COG5: variants seen among roughly 807,000 people sequenced by gnomAD.
COG5 encodes conserved oligomeric Golgi complex subunit 5.
A neutral mutation model predicts 110.4 loss-of-function variants in COG5; 86 were observed. The observed-to-expected ratio is 0.78, with a 90% CI of 0.65 to 0.93. The LOEUF (loss-of-function observed/expected upper bound fraction) is 0.93. Ranked by LOEUF, COG5 falls within the 40% of genes least tolerant of loss-of-function variation. The probability of loss-of-function intolerance (pLI) is 0.00; values close to 1 mark genes in which losing one functional copy is unlikely to be tolerated. For synonymous variants in COG5, 360 were observed against 334.6 expected (o/e 1.08, Z -0.83); for missense variants, 1,077 against 987.0 (o/e 1.09, Z -1.22).
At chr7:107,309,296 T>C (rs1207900370) in intron 11 of COG5, among the ~76,000 whole-genome samples, 1 of 152,166 alleles carries the variant, frequency 6.6e-6, no homozygotes. Context: ...CTTTAGCATG[T>C]AAGTCCATTT....
intron 6 of COG5, among the ~76,000 whole-genome samples, chr7:107,519,214 G>A (rs559093617): frequency 6.6e-5 from 10 of 151,884 alleles, no homozygotes; most frequent in East Asian, 3.9e-4. Context: ...ATCTAAAATC[G>A]ACACCTTAAC....
At chr7:107,262,850 T>C (rs1236213199) in intron 14 of COG5, among the ~76,000 whole-genome samples, 2 of 152,198 alleles carry the variant, frequency 1.3e-5, no homozygotes, top group African/African-American at 4.8e-5. Flanking sequence ...GTAGCTTCAA[T>C]TTCTTAATCT....
chr7:107,203,873 C>T (rs1416600530), intron 21 of COG5, among the ~76,000 whole-genome samples: 1 of 152,122 alleles, frequency 6.6e-6, no homozygotes, highest in Admixed American at 6.5e-5. Flanking sequence ...TCTTAGTGGT[C>T]TAGTCATATA....
chr7:107,420,163 T>C (rs989780378), intron 6 of COG5, among the ~76,000 whole-genome samples: 11 of 152,194 alleles, frequency 7.2e-5, no homozygotes, highest in Admixed American at 6.5e-5. Flanking sequence ...TGAGAACACC[T>C]GTGCTTTAAT....
chr7:107,388,714 G>T (rs114490223), intron 7 of COG5, among the ~76,000 whole-genome samples: 10 of 152,178 alleles, frequency 6.6e-5, no homozygotes, highest in African/African-American at 2.2e-4. Flanking sequence ...AGTAATGTAC[G>T]GTGTGGTCCA....
At chr7:107,441,658 C>A (rs886593458) in intron 6 of COG5, among the ~76,000 whole-genome samples, 21 of 152,192 alleles carry the variant, frequency 1.4e-4, no homozygotes, top group Non-Finnish European at 2.6e-4. Flanking sequence ...GCCAGCTCCA[C>A]ATAACATATT....
chr7:107,355,641 G>A (rs538072899), intron 10 of COG5, among the ~76,000 whole-genome samples: 2 of 152,156 alleles, frequency 1.3e-5, no homozygotes, highest in Non-Finnish European at 2.9e-5. Context: ...AACCTTAAAC[G>A]CATATTGCTA....
At chr7:107,278,132 T>C (rs1191062182) in intron 14 of COG5, among the ~76,000 whole-genome samples, 1 of 152,164 alleles carries the variant, frequency 6.6e-6, no homozygotes, top group Admixed American at 6.5e-5. Flanking sequence ...CATTTCAGGT[T>C]GTATTTGCAA....
intron 6 of COG5, 146 bp from the exon 7 acceptor site, chr7:107,412,778 C>A: frequency 1.7e-6 from 1 of 598,628 alleles, no homozygotes; most frequent in Non-Finnish European, 2.9e-6. Context: ...TTAAAAAATA[C>A]AGTTTCCCAA....
At chr7:107,416,904 T>C (rs1792888259) in intron 6 of COG5, among the ~76,000 whole-genome samples, 1 of 152,178 alleles carries the variant, frequency 6.6e-6, no homozygotes, top group South Asian at 2.1e-4. Flanking sequence ...AAAGATATTT[T>C]AGAAGTCAGA....
chr7:107,202,304 A>G lies in COG5; in HGVS notation c.*1212T>C, dbSNP rs536406901. ...ACACTTGCACTTTAATTTTCCTCCA[A>G]CTGTCTAAAATTAGAGCAAATACAT... On this transcript the variant is annotated 3_prime_UTR_variant, in exon 22 of 22. Transcript: ENST00000297135. 8 of 152,660 alleles carry G rather than the reference A, an allele frequency of 5.2e-5. No homozygotes were observed. The highest frequency in any genetic ancestry group is 3.9e-4 in the East Asian group (2 of 5,186). 9.5% of individuals were successfully genotyped at this position (152,660 alleles called of 1,614,324 possible).
intron 6 of COG5, among the ~76,000 whole-genome samples, chr7:107,503,017 TC>T (rs1798732518): frequency 6.6e-6 from 1 of 152,106 alleles, no homozygotes; most frequent in Admixed American, 6.6e-5. Context: ...TTTAACCAGG[TC>T]CCATTTATTT....
intron 6 of COG5, among the ~76,000 whole-genome samples, chr7:107,432,295 T>C (rs1794077302): frequency 6.6e-6 from 1 of 152,108 alleles, no homozygotes; most frequent in Non-Finnish European, 1.5e-5. Flanking sequence ...TGTAGTAAAC[T>C]AAAGTTGAAA....
intron 19 of COG5, among the ~76,000 whole-genome samples, chr7:107,225,397 C>A (rs1800263130): frequency 6.6e-6 from 1 of 151,612 alleles, no homozygotes; most frequent in African/African-American, 2.4e-5. Context: ...TAAAATAAGG[C>A]AGAAAATTTA....
intron 6 of COG5, among the ~76,000 whole-genome samples, chr7:107,433,176 G>C (rs1381059169): frequency 1.3e-5 from 2 of 152,116 alleles, no homozygotes; most frequent in Admixed American, 1.3e-4. Flanking sequence ...AAGTATGGCT[G>C]AAAGAAATTA....
chr7:107,291,977 G>A (rs1350617960), intron 12 of COG5, among the ~76,000 whole-genome samples: 2 of 152,112 alleles, frequency 1.3e-5, no homozygotes, highest in African/African-American at 4.8e-5. Context: ...GAGAATAGAG[G>A]CTGTTTTTCT....
At chr7:107,556,169 T>A (rs913828338) in intron 2 of COG5, among the ~76,000 whole-genome samples, 1 of 152,210 alleles carries the variant, frequency 6.6e-6, no homozygotes, top group Non-Finnish European at 1.5e-5. Context: ...AGCACTGGCA[T>A]GGAAGGTAAG....
intron 3 of COG5, among the ~76,000 whole-genome samples, chr7:107,550,490 A>T (rs746958238): frequency 4.6e-5 from 7 of 152,156 alleles, no homozygotes; most frequent in Admixed American, 3.3e-4. Context: ...CCTTCACTAA[A>T]CATCAGCTAT....
intron 6 of COG5, among the ~76,000 whole-genome samples, chr7:107,456,994 G>T (rs1048187384): frequency 2.6e-5 from 4 of 152,146 alleles, no homozygotes; most frequent in Non-Finnish European, 5.9e-5. Flanking sequence ...CTGCCTGATA[G>T]AACAAAGTAC....
Sources: allele counts gnomAD v4.1 joint callset (sites outside exome capture counted in the v4.1 genomes callset), GRCh38; gene constraint gnomAD v4.1.1; transcripts MANE v1.5; gene names NCBI Gene and HGNC (gene_info 2026-07-23, HGNC 2026-07-21).